The following DOCK9 variants were observed in gnomAD, a reference collection of about 807,000 sequenced individuals.
DOCK9 encodes the protein dedicator of cytokinesis 9.
DOCK9 carries 89 observed loss-of-function variants against 263.3 expected under a neutral mutation model. The observed-to-expected ratio is 0.34, with a 90% CI of 0.28 to 0.40. The LOEUF is 0.40. DOCK9 is among the 10% of genes least tolerant of loss of function. The pLI is 1.00. For missense variants in DOCK9, 2,140 were observed against 2,603.4 expected, an observed-to-expected ratio of 0.82 and a Z score of 3.87; for synonymous variants, 976 against 973.1, an observed-to-expected ratio of 1.00 and a Z score of -0.06.
chr13:99,088,560 G>A (rs569831497), upstream of DOCK9: 79 of 152,258 alleles, frequency 5.2e-4, no homozygotes, highest in African/African-American at 1.9e-3. Context: ...GGCTCTCTAA[G>A]CTGTATCTAC....
chr13:98,925,200 T>G (rs9557091), intron 4 of DOCK9, among the ~76,000 whole-genome samples: 25,671 of 152,006 alleles, frequency 0.17, 3,030 homozygotes, highest in East Asian at 0.43. Flanking sequence ...ATAAATCTCT[T>G]TTCTTTAGAA....
intron 1 of DOCK9, among the ~76,000 whole-genome samples, chr13:99,037,419 C>T (rs1354651670): frequency 1.3e-5 from 2 of 152,138 alleles, no homozygotes; most frequent in Admixed American, 1.3e-4. Context: ...ATGAGATACT[C>T]CTACCTACTT....
chr13:98,898,294 T>C (rs2047740698), intron 13 of DOCK9, 33 bp from the exon 14 acceptor site: 2 of 1,516,666 alleles, frequency 1.3e-6, no homozygotes, highest in Non-Finnish European at 1.8e-6. Context: ...TATGAGATAC[T>C]GCATCTCACT....
intron 19 of DOCK9, 82 bp from the exon 20 acceptor site, chr13:98,885,913 C>A: frequency 7.4e-7 from 1 of 1,354,364 alleles, no homozygotes; most frequent in South Asian, 1.5e-5. Context: ...ATGTGTTACC[C>A]AACGCATAAA....
chr13:98,930,704 G>A (rs2053775831), intron 2 of DOCK9, among the ~76,000 whole-genome samples: 1 of 152,056 alleles, frequency 6.6e-6, no homozygotes, highest in African/African-American at 2.4e-5. Context: ...GAGTGCAATG[G>A]CGGGATCTCG....
chr13:98,902,863 C>T (rs1170254931), intron 11 of DOCK9, 109 bp downstream of exon 11: 2 of 1,084,810 alleles, frequency 1.8e-6, no homozygotes, highest in Non-Finnish European at 2.5e-6. Flanking sequence ...AACACTGCAC[C>T]TCTTTGATAC....
intron 31 of DOCK9, 81 bp downstream of exon 31, chr13:98,863,289 T>C: frequency 6.5e-7 from 1 of 1,546,832 alleles, no homozygotes; most frequent in South Asian, 1.2e-5. Flanking sequence ...TACCATGAAT[T>C]TTCTAACTGA....
intron 2 of DOCK9, among the ~76,000 whole-genome samples, chr13:98,932,616 C>T (rs932755401): frequency 6.6e-6 from 1 of 152,166 alleles, no homozygotes; most frequent in Non-Finnish European, 1.5e-5. Flanking sequence ...ATCCCTCCAG[C>T]CTAGGTGGAG....
At chr13:98,992,977 T>C (rs980750400) in intron 1 of DOCK9, among the ~76,000 whole-genome samples, 1 of 152,132 alleles carries the variant, frequency 6.6e-6, no homozygotes, top group African/African-American at 2.4e-5. Context: ...AAGAGCATGG[T>C]GTGTTTGGGA....
At position 98,829,859 on chromosome 13, in the gene DOCK9, G is replaced by A. The variant is rs2092691362; in HGVS notation, c.4636-103C>T. The A allele has an allele frequency of 3.3e-6, 3 of 921,422 alleles. No homozygotes were observed. The highest frequency in any genetic ancestry group is 1.5e-5 in the South Asian group (1 of 68,774). The allele number at this position is 921,422 out of a possible 1,614,324, so 57.1% of individuals were successfully genotyped here. A position where few individuals can be genotyped will look rare whatever the true frequency, so the allele number is the denominator to read the frequency against. The stretch of plus-strand genomic sequence containing the variant: ...ATGTGCCTAAGGACCCAGCAAAGTG[G>A]GGGTTGGGGGGTGCTTTGAGCAGGG... On this transcript the variant is annotated intron_variant, in intron 41 of 52. Coordinates refer to ENST00000682017, the MANE Select transcript of DOCK9 (RefSeq NM_001366683.2). This position sits in a 1 kb window ranked among gnomAD's most constrained non-coding sequence, Gnocchi z 4.1.
intron 2 of DOCK9, among the ~76,000 whole-genome samples, chr13:98,941,883 G>A (rs541564147): frequency 1.8e-4 from 27 of 152,370 alleles, no homozygotes; most frequent in South Asian, 1.2e-3. Context: ...TAGCAAGGGC[G>A]TGCAGAGCTC....
At chr13:98,862,872 C>A (rs1337385232) in intron 32 of DOCK9, 147 bp downstream of exon 32, 4 of 667,486 alleles carry the variant, frequency 6.0e-6, no homozygotes, top group Admixed American at 5.4e-5. Flanking sequence ...AGGAACCAAC[C>A]CCACTGACAC....
At chr13:99,006,162 G>A (rs185224457) in intron 1 of DOCK9, among the ~76,000 whole-genome samples, 2 of 152,228 alleles carry the variant, frequency 1.3e-5, no homozygotes, top group East Asian at 1.9e-4. Flanking sequence ...TGAAGATAAC[G>A]AAGGATTTAG....
chr13:99,003,692 T>C (rs1408088034), intron 1 of DOCK9, among the ~76,000 whole-genome samples: 1 of 152,120 alleles, frequency 6.6e-6, no homozygotes, highest in African/African-American at 2.4e-5. Flanking sequence ...ATCTCTCATT[T>C]AACACTCTCT....
intron 45 of DOCK9, 56 bp downstream of exon 45, chr13:98,824,342 C>G (rs1175997673): frequency 6.6e-7 from 1 of 1,521,548 alleles, no homozygotes; most frequent in African/African-American, 1.4e-5. Context: ...GCAATGCAAA[C>G]AGCAGGCTCC....
intron 45 of DOCK9, among the ~76,000 whole-genome samples, chr13:98,822,234 C>A (rs1018958598): frequency 6.6e-6 from 1 of 152,162 alleles, no homozygotes; most frequent in Non-Finnish European, 1.5e-5. Flanking sequence ...ATAAAGGGGT[C>A]CTTGTCACAG....
chr13:98,948,589 T>C (rs2057011188), intron 2 of DOCK9, among the ~76,000 whole-genome samples: 1 of 152,232 alleles, frequency 6.6e-6, no homozygotes, highest in Admixed American at 6.5e-5. Context: ...CATTTTTAAG[T>C]GTACAGTTCA....
chr13:98,957,891 C>T (rs1057366995), intron 1 of DOCK9, among the ~76,000 whole-genome samples: 2 of 152,194 alleles, frequency 1.3e-5, no homozygotes, highest in African/African-American at 4.8e-5. Flanking sequence ...CCCATAACCA[C>T]AGGCCAGGGA....
At chr13:98,993,966 T>A (rs1880411267) in intron 1 of DOCK9, among the ~76,000 whole-genome samples, 1 of 152,206 alleles carries the variant, frequency 6.6e-6, no homozygotes, top group Non-Finnish European at 1.5e-5. Context: ...TATCATCAAG[T>A]TGTAATGTGA....
Sources: gnomAD v4.1 joint callset for allele counts (sites outside exome capture counted in the v4.1 genomes callset) on GRCh38, gnomAD v4.1.1 for gene constraint, Gnocchi (gnomAD v3.1) non-coding constraint, MANE v1.5 for transcripts, NCBI Gene and HGNC (gene_info 2026-07-23, HGNC 2026-07-21) for gene names.